JAZF1: variants seen among roughly 807,000 people sequenced by gnomAD.
The protein encoded by JAZF1 is JAZF zinc finger 1, also known as juxtaposed with another zinc finger protein 1.
Under a neutral mutation model 26.4 loss-of-function variants are expected in JAZF1, and 8 were observed. The observed-to-expected ratio is 0.30, with a 90% CI of 0.18 to 0.55. JAZF1 has a LOEUF of 0.55. JAZF1 is among the 20% of genes least tolerant of loss of function. The pLI is 0.94. For synonymous variants in JAZF1, 126 were observed against 122.3 expected, an observed-to-expected ratio of 1.03 and a Z score of -0.20; for missense variants, 199 against 322.0, an observed-to-expected ratio of 0.62 and a Z score of 2.92.
chr7:27,904,283 G>A (rs1784212865), intron 2 of JAZF1, among the ~76,000 whole-genome samples: 2 of 152,168 alleles, frequency 1.3e-5, no homozygotes. Context: ...TGTAATGATG[G>A]CTTTCAGAAC....
intron 1 of JAZF1, among the ~76,000 whole-genome samples, chr7:27,992,816 A>G (rs1472218406): frequency 6.6e-6 from 1 of 152,224 alleles, no homozygotes; most frequent in Admixed American, 6.5e-5. Flanking sequence ...ATTTCTTTTC[A>G]TTATAAACTC....
At chr7:28,130,870 G>A (rs78642507) in intron 1 of JAZF1, among the ~76,000 whole-genome samples, 5 of 152,058 alleles carry the variant, frequency 3.3e-5, no homozygotes, top group Admixed American at 1.3e-4. Context: ...ATGTGTGTTG[G>A]GCCAAAGAAC....
At chr7:28,028,501 A>G (rs1583517796) in intron 1 of JAZF1, among the ~76,000 whole-genome samples, 1 of 152,348 alleles carries the variant, frequency 6.6e-6, no homozygotes. Context: ...AGATGTTGCA[A>G]CATTCTTCTC....
At chr7:28,152,465 C>T (rs986762329) in intron 1 of JAZF1, among the ~76,000 whole-genome samples, 1 of 152,180 alleles carries the variant, frequency 6.6e-6, no homozygotes, top group Admixed American at 6.5e-5. Flanking sequence ...CTACTGAGCA[C>T]ACCTTTTCCT....
chr7:28,159,497 C>T (rs953579792), intron 1 of JAZF1, among the ~76,000 whole-genome samples: 1 of 151,792 alleles, frequency 6.6e-6, no homozygotes, highest in African/African-American at 2.4e-5. Flanking sequence ...TTCGAGGGGG[C>T]GTGGGCAGGA....
At chr7:27,911,123 C>T (rs1344050154) in intron 2 of JAZF1, among the ~76,000 whole-genome samples, 1 of 152,190 alleles carries the variant, frequency 6.6e-6, no homozygotes, top group Non-Finnish European at 1.5e-5. Context: ...CAGCTTTAAG[C>T]CAGATTTAAT....
rs535961183 is a variant in JAZF1 at position 28,090,619 on chromosome 7, T to C, written c.115+89844A>G. 9.2e-5 allele frequency among the ~76,000 whole-genome samples: 14 copies of C among 152,256 alleles called. No homozygotes were observed. The South Asian group carries it at 1.9e-3, about 20-fold the overall frequency. On this transcript the variant is annotated intron_variant, in intron 1 of 4. Transcript: ENST00000283928. ...TCACAATATCCTCCAACACAGGTAC[T>C]AGTACTCCCACATAATAGAGAAGAA...
chr7:28,062,650 C>A (rs879516126), intron 1 of JAZF1, among the ~76,000 whole-genome samples: 1 of 152,222 alleles, frequency 6.6e-6, no homozygotes, highest in East Asian at 1.9e-4. Flanking sequence ...TCACAGGGAG[C>A]GACATCCACA....
intron 1 of JAZF1, among the ~76,000 whole-genome samples, chr7:28,112,467 A>C (rs1328653870): frequency 6.6e-6 from 1 of 152,260 alleles, no homozygotes; most frequent in Non-Finnish European, 1.5e-5. Flanking sequence ...GGTTTTAAAA[A>C]GAACTGAGTG....
At chr7:27,863,393 C>G (rs566671729) in intron 3 of JAZF1, among the ~76,000 whole-genome samples, 1 of 152,238 alleles carries the variant, frequency 6.6e-6, no homozygotes, top group South Asian at 2.1e-4. Flanking sequence ...CTTTCTTCTT[C>G]CAGTTTTTCT....
intron 3 of JAZF1, among the ~76,000 whole-genome samples, chr7:27,875,338 T>C (rs1462582310): frequency 6.6e-6 from 1 of 152,212 alleles, no homozygotes; most frequent in East Asian, 1.9e-4. Flanking sequence ...ACAGCTGGAA[T>C]AGAGTCCCTC....
chr7:28,113,201 T>C (rs547320926), intron 1 of JAZF1, among the ~76,000 whole-genome samples: 2 of 152,292 alleles, frequency 1.3e-5, no homozygotes, highest in South Asian at 4.2e-4. Flanking sequence ...GGGGCCCAAT[T>C]CTGTTGCTTT....
chr7:27,847,910 C>T (rs62451074), intron 3 of JAZF1, among the ~76,000 whole-genome samples: 16 of 152,120 alleles, frequency 1.1e-4, no homozygotes, highest in Admixed American at 9.2e-4. Flanking sequence ...TCAGGTGATC[C>T]GCCCGTCTCA....
intron 1 of JAZF1, among the ~76,000 whole-genome samples, chr7:28,117,675 T>C (rs566530566): frequency 6.6e-6 from 1 of 152,380 alleles, no homozygotes; most frequent in Non-Finnish European, 1.5e-5. Context: ...TAGATTTTTA[T>C]AAACTCATGG....
At chr7:27,889,914 T>C (rs574168014) in intron 3 of JAZF1, among the ~76,000 whole-genome samples, 8 of 141,462 alleles carry the variant, frequency 5.7e-5, no homozygotes, top group African/African-American at 1.9e-4. Flanking sequence ...GCCTGAGTGA[T>C]AGAGTGAGAC....
intron 2 of JAZF1, among the ~76,000 whole-genome samples, chr7:27,933,040 A>T (rs1292865032): frequency 6.6e-6 from 1 of 152,194 alleles, no homozygotes; most frequent in African/African-American, 2.4e-5. Flanking sequence ...ACTGGGATGG[A>T]CATTATAAAC....
chr7:27,928,567 A>G (rs1415186771), intron 2 of JAZF1, among the ~76,000 whole-genome samples: 2 of 152,198 alleles, frequency 1.3e-5, no homozygotes, highest in East Asian at 3.8e-4. Flanking sequence ...GTTCTTTGCT[A>G]GTGCCCATCT....
intron 2 of JAZF1, among the ~76,000 whole-genome samples, chr7:27,971,814 C>A (rs1452174590): frequency 1.3e-5 from 2 of 152,136 alleles, no homozygotes; most frequent in Non-Finnish European, 2.9e-5. Context: ...GTTTAATTCG[C>A]CACTTTATGA....
chr7:27,995,663 C>T (rs1012531975), intron 1 of JAZF1, among the ~76,000 whole-genome samples: 3 of 152,134 alleles, frequency 2.0e-5, no homozygotes, highest in Admixed American at 1.3e-4. Flanking sequence ...GCATTCTTGA[C>T]ATTAGATGGC....
Sources: gnomAD v4.1 joint callset for allele counts (sites outside exome capture counted in the v4.1 genomes callset) on GRCh38, gnomAD v4.1.1 for gene constraint, MANE v1.5 for transcripts, NCBI Gene and HGNC (gene_info 2026-07-23, HGNC 2026-07-21) for gene names.